CCDC85A: variants seen among roughly 807,000 people sequenced by gnomAD.
CCDC85A encodes the protein coiled-coil domain containing 85A.
A neutral mutation model predicts 50.2 loss-of-function variants in CCDC85A; 38 were observed. The ratio of observed to expected loss-of-function variants is 0.76; its 90% CI spans 0.58 to 0.99. The LOEUF (loss-of-function observed/expected upper bound fraction) is 0.99, where lower values mean the gene tolerates loss of function less well. Among genes scored for constraint, CCDC85A ranks in the 50% least tolerant of loss-of-function variants. CCDC85A has a pLI of 0.00. For synonymous variants in CCDC85A, 366 were observed against 301.4 expected (o/e 1.21, Z -2.22); for missense variants, 820 against 742.0 (o/e 1.11, Z -1.22).
chr2:56,341,698 A>G (rs73940678), intron 2 of CCDC85A, among the ~76,000 whole-genome samples: 2,275 of 152,356 alleles, frequency 0.015, 63 homozygotes, highest in African/African-American at 0.05. Context: ...GAAGCTAAGC[A>G]TGATAATGAT....
intron 2 of CCDC85A, among the ~76,000 whole-genome samples, chr2:56,253,067 A>G (rs960209532): frequency 1.3e-5 from 2 of 152,100 alleles, no homozygotes; most frequent in African/African-American, 2.4e-5. Context: ...AAATATACAG[A>G]CAGAAGAAGA....
At chr2:56,328,832 A>C (rs1053384701) in intron 2 of CCDC85A, among the ~76,000 whole-genome samples, 4 of 151,986 alleles carry the variant, frequency 2.6e-5, no homozygotes, top group African/African-American at 7.2e-5. Context: ...TGCACAACCC[A>C]CAGTCATCTC....
At chr2:56,333,790 TAAAAG>T (rs1673940409) in intron 2 of CCDC85A, among the ~76,000 whole-genome samples, 1 of 152,138 alleles carries the variant, frequency 6.6e-6, no homozygotes, top group Non-Finnish European at 1.5e-5. Flanking sequence ...AAATTTTTGT[TAAAAG>T]GAAAGCATAA....
At chr2:56,269,188 C>T (rs1366324518) in intron 2 of CCDC85A, among the ~76,000 whole-genome samples, 1 of 152,172 alleles carries the variant, frequency 6.6e-6, no homozygotes, top group Non-Finnish European at 1.5e-5. Context: ...GTAGGAGCAT[C>T]CTCCACTAGG....
intron 2 of CCDC85A, among the ~76,000 whole-genome samples, chr2:56,194,640 A>G (rs1676455561): frequency 6.6e-6 from 1 of 152,184 alleles, no homozygotes; most frequent in African/African-American, 2.4e-5. Context: ...CATAGTGCTG[A>G]AAATTGCCTC....
chr2:56,276,542 G>A (rs549791755), intron 2 of CCDC85A, among the ~76,000 whole-genome samples: 3 of 152,148 alleles, frequency 2.0e-5, no homozygotes, highest in Admixed American at 2.0e-4. Context: ...GTTTCATGAG[G>A]GGAAACCCAT....
intron 2 of CCDC85A, among the ~76,000 whole-genome samples, chr2:56,265,377 T>A (rs1272954950): frequency 4.6e-5 from 7 of 151,866 alleles, no homozygotes; most frequent in African/African-American, 1.5e-4. Context: ...AGGAACTAAA[T>A]CTACTTCATA....
intron 2 of CCDC85A, among the ~76,000 whole-genome samples, chr2:56,339,680 AT>A (rs1353159327): frequency 1.3e-5 from 2 of 152,152 alleles, no homozygotes. Context: ...AAATAACTTT[AT>A]TTTTGTGTGG....
chr2:56,296,745 A>T (rs913568081), intron 2 of CCDC85A, among the ~76,000 whole-genome samples: 1 of 152,152 alleles, frequency 6.6e-6, no homozygotes, highest in Non-Finnish European at 1.5e-5. Flanking sequence ...GGAAGAAGTG[A>T]ACTGCCTATA....
chr2:56,264,468 C>CCG (rs1670351763), intron 2 of CCDC85A, among the ~76,000 whole-genome samples: 2 of 152,120 alleles, frequency 1.3e-5, no homozygotes, highest in African/African-American at 4.8e-5. Flanking sequence ...CCCAAACCAC[C>CCG]TGCAAATCCT....
chr2:56,369,329 A>G (rs1272740545), intron 3 of CCDC85A, among the ~76,000 whole-genome samples: 1 of 152,130 alleles, frequency 6.6e-6, no homozygotes, highest in African/African-American at 2.4e-5. Context: ...GATGAGAACT[A>G]TTTATTATTA....
At chr2:56,327,360 A>G (rs1047267047) in intron 2 of CCDC85A, among the ~76,000 whole-genome samples, 5 of 152,162 alleles carry the variant, frequency 3.3e-5, no homozygotes, top group African/African-American at 1.2e-4. Context: ...GTTTGAATTA[A>G]AAGGGAACAC....
rs995433281 is a variant in CCDC85A at position 56,286,532 on chromosome 2, A to G, written c.1241-56347A>G. ...ACTAAGACTACTTGCTAAATTTTTC[A>G]TATTACTTTTTACTACTAGAATTGG... On this transcript the variant is annotated intron_variant, in intron 2 of 5. Transcript: ENST00000407595. Among the ~76,000 whole-genome samples, 3 of 152,056 alleles carry G rather than the reference A, an allele frequency of 2.0e-5. No individual in the cohort carries two copies. In the East Asian group the frequency reaches 5.8e-4, roughly 29 times the overall value.
chr2:56,189,948 G>A (rs570936468), intron 1 of CCDC85A, among the ~76,000 whole-genome samples: 28 of 152,304 alleles, frequency 1.8e-4, no homozygotes, highest in African/African-American at 5.3e-4. Flanking sequence ...GAAGCAAAAA[G>A]GAGAGGTGGG....
At chr2:56,187,909 A>G (rs1676123193) in intron 1 of CCDC85A, among the ~76,000 whole-genome samples, 1 of 152,166 alleles carries the variant, frequency 6.6e-6, no homozygotes, top group Admixed American at 6.5e-5. Context: ...ATCTCTGTAG[A>G]TTTGTTTTCT....
intron 2 of CCDC85A, among the ~76,000 whole-genome samples, chr2:56,204,427 A>T (rs1463590797): frequency 1.3e-5 from 2 of 152,158 alleles, no homozygotes; most frequent in African/African-American, 4.8e-5. Flanking sequence ...AGAAAGTCTG[A>T]TTTCACACAG....
At chr2:56,245,420 G>A (rs1669457572) in intron 2 of CCDC85A, among the ~76,000 whole-genome samples, 1 of 152,214 alleles carries the variant, frequency 6.6e-6, no homozygotes, top group Non-Finnish European at 1.5e-5. Flanking sequence ...CCTCTGCCAG[G>A]GGATGGAGGA....
At chr2:56,253,093 G>A (rs1465419599) in intron 2 of CCDC85A, among the ~76,000 whole-genome samples, 1 of 151,988 alleles carries the variant, frequency 6.6e-6, no homozygotes, top group Non-Finnish European at 1.5e-5. Flanking sequence ...CTTATTATAG[G>A]TGTATAGCTC....
At chr2:56,246,864 T>A (rs1669534435) in intron 2 of CCDC85A, among the ~76,000 whole-genome samples, 1 of 152,196 alleles carries the variant, frequency 6.6e-6, no homozygotes. Flanking sequence ...GGTTGATGGT[T>A]TCAGGACTTT....
Sources: gnomAD v4.1 joint callset for allele counts (sites outside exome capture counted in the v4.1 genomes callset) on GRCh38, gnomAD v4.1.1 for gene constraint, MANE v1.5 for transcripts, NCBI Gene and HGNC (gene_info 2026-07-23, HGNC 2026-07-21) for gene names.